The following PCDH7 variants were observed in gnomAD, a reference collection of about 807,000 sequenced individuals.
The protein encoded by PCDH7 is protocadherin 7.
Under a neutral mutation model 58.9 loss-of-function variants are expected in PCDH7, and 17 were observed. That is an observed-to-expected ratio of 0.29 (90% CI 0.20 to 0.43). PCDH7 has a LOEUF of 0.43. Ranked by LOEUF, PCDH7 falls within the 20% of genes least tolerant of loss-of-function variation. The pLI, the probability that PCDH7 is intolerant of heterozygous loss-of-function variation, is 1.00. For synonymous variants in PCDH7, 664 were observed against 616.4 expected (o/e 1.08, Z -1.14); for missense variants, 1,274 against 1,441.0 (o/e 0.88, Z 1.88).
intron 1 of PCDH7, among the ~76,000 whole-genome samples, chr4:30,865,647 T>A (rs1270462909): frequency 6.6e-6 from 1 of 152,104 alleles, no homozygotes; most frequent in Non-Finnish European, 1.5e-5. Context: ...ACAGTGTTTT[T>A]TAAGGAAAAT....
intron 1 of PCDH7, among the ~76,000 whole-genome samples, chr4:30,900,892 A>T (rs1740126029): frequency 1.3e-5 from 2 of 152,168 alleles, no homozygotes; most frequent in African/African-American, 2.4e-5. Context: ...CCAGTCTTAC[A>T]AGACTAATTG....
chr4:30,768,875 A>T (rs970447881), intron 1 of PCDH7, among the ~76,000 whole-genome samples: 1 of 152,232 alleles, frequency 6.6e-6, no homozygotes, highest in Non-Finnish European at 1.5e-5. Flanking sequence ...GCATAATTTT[A>T]AGCTAAATTT....
At chr4:31,060,887 C>G (rs1187139440) in intron 3 of PCDH7, among the ~76,000 whole-genome samples, 1 of 151,638 alleles carries the variant, frequency 6.6e-6, no homozygotes, top group Non-Finnish European at 1.5e-5. Flanking sequence ...TAACATGCAT[C>G]TATTTTTGCA....
At chr4:31,016,993 T>C (rs1753671010) in intron 3 of PCDH7, among the ~76,000 whole-genome samples, 1 of 150,862 alleles carries the variant, frequency 6.6e-6, no homozygotes, top group Non-Finnish European at 1.5e-5. Flanking sequence ...GAGAGTTGGG[T>C]ATTCTTCTTG....
At chr4:31,145,029 T>G (rs1161330871), downstream of PCDH7, 1 of 151,694 alleles carries the variant, frequency 6.6e-6, no homozygotes, top group Non-Finnish European at 1.5e-5. Flanking sequence ...AATACTCAAT[T>G]GCATAACACG....
chr4:30,934,206 G>A (rs565984725), intron 2 of PCDH7, among the ~76,000 whole-genome samples: 2 of 152,254 alleles, frequency 1.3e-5, no homozygotes, highest in African/African-American at 2.4e-5. Flanking sequence ...GTGAAATCAA[G>A]CCAGTATGCT....
chr4:30,755,635 T>A (rs1345576166), intron 1 of PCDH7, among the ~76,000 whole-genome samples: 3 of 152,154 alleles, frequency 2.0e-5, no homozygotes, highest in Non-Finnish European at 4.4e-5. Context: ...CATCCCCCAC[T>A]GTCTTAGTCT....
chr4:30,847,197 T>C (rs1170951960), intron 1 of PCDH7, among the ~76,000 whole-genome samples: 1 of 152,180 alleles, frequency 6.6e-6, no homozygotes, highest in Non-Finnish European at 1.5e-5. Context: ...TAATTTATAA[T>C]GCTACTATCA....
chr4:30,866,053 T>C (rs1427406312), intron 1 of PCDH7, among the ~76,000 whole-genome samples: 1 of 152,106 alleles, frequency 6.6e-6, no homozygotes, highest in Non-Finnish European at 1.5e-5. Context: ...TAAATGAACA[T>C]GAAATGACTC....
In PCDH7 at chr4:31,047,354, T is replaced by C. The variant is rs546374881; in HGVS notation, c.*8-95119T>C. On this transcript the variant is annotated intron_variant, in intron 3 of 3. Coordinates refer to the PCDH7 transcript ENST00000509759. ...TAAGCTCCTAAGTGCAAATCGGTGGTCTCAAAACTTGGTCATCATTTCATC... is the reference window on the plus strand; with the variant it reads ...TAAGCTCCTAAGTGCAAATCGGTGGCCTCAAAACTTGGTCATCATTTCATC... Among the ~76,000 whole-genome samples, 6 of 152,144 alleles carry C rather than the reference T, an allele frequency of 3.9e-5. No homozygotes were observed. The South Asian group carries it at 1.2e-3, about 32-fold the overall frequency.
intron 1 of PCDH7, among the ~76,000 whole-genome samples, chr4:30,769,042 A>G (rs544922654): frequency 2.0e-5 from 3 of 152,362 alleles, no homozygotes; most frequent in South Asian, 2.1e-4. Flanking sequence ...GAATCTAGTG[A>G]GGAACATGGA....
At chr4:31,022,003 T>G (rs2109170678) in intron 3 of PCDH7, among the ~76,000 whole-genome samples, 1 of 152,316 alleles carries the variant, frequency 6.6e-6, no homozygotes, top group Middle Eastern at 3.4e-3. Flanking sequence ...TAACACAGCT[T>G]ATTTTGCTTA....
intron 1 of PCDH7, among the ~76,000 whole-genome samples, chr4:30,877,336 T>A (rs1441616133): frequency 1.3e-5 from 2 of 152,012 alleles, no homozygotes; most frequent in Non-Finnish European, 2.9e-5. Flanking sequence ...AGGACAGAAA[T>A]GTGAAAAGTG....
chr4:31,050,255 CTT>C (rs1296345232), intron 3 of PCDH7, among the ~76,000 whole-genome samples: 3 of 152,074 alleles, frequency 2.0e-5, no homozygotes, highest in East Asian at 1.9e-4. Context: ...CGAGAAAAAA[CTT>C]ATAAAAATAT....
intron 1 of PCDH7, among the ~76,000 whole-genome samples, chr4:30,829,713 C>G (rs2053917391): frequency 6.6e-6 from 1 of 151,962 alleles, no homozygotes; most frequent in African/African-American, 2.4e-5. Context: ...TCCTAGTAAA[C>G]TGGGAGGTGG....
At chr4:30,994,127 C>A (rs549827644) in intron 3 of PCDH7, among the ~76,000 whole-genome samples, 1 of 152,272 alleles carries the variant, frequency 6.6e-6, no homozygotes, top group South Asian at 2.1e-4. Flanking sequence ...CCTTCAGAAA[C>A]ATTATTGATT....
chr4:31,017,793 T>C (rs1753734648), intron 3 of PCDH7, among the ~76,000 whole-genome samples: 1 of 152,178 alleles, frequency 6.6e-6, no homozygotes, highest in Admixed American at 6.5e-5. Context: ...TGAGGGTACA[T>C]TGATTTTATC....
intron 1 of PCDH7, among the ~76,000 whole-genome samples, chr4:30,852,170 C>T (rs1037004450): frequency 1.3e-5 from 2 of 151,890 alleles, no homozygotes; most frequent in African/African-American, 4.8e-5. Flanking sequence ...GTTTTTGTAC[C>T]ATTTTAATGT....
chr4:31,024,512 A>G (rs1159362585), intron 3 of PCDH7, among the ~76,000 whole-genome samples: 3 of 152,180 alleles, frequency 2.0e-5, no homozygotes, highest in African/African-American at 7.2e-5. Flanking sequence ...CTAGATTATG[A>G]CATAAATAAA....
Sources: allele counts gnomAD v4.1 joint callset (sites outside exome capture counted in the v4.1 genomes callset), GRCh38; gene constraint gnomAD v4.1.1; transcripts MANE v1.5; gene names NCBI Gene and HGNC (gene_info 2026-07-23, HGNC 2026-07-21).